Variants in PRKCE observed in about 807,000 individuals in gnomAD.
The protein encoded by PRKCE is protein kinase C epsilon, also known as protein kinase C epsilon type.
PRKCE carries 16 observed loss-of-function variants against 85.4 expected under a neutral mutation model. The ratio of observed to expected loss-of-function variants is 0.19; its 90% CI spans 0.13 to 0.28. The LOEUF (loss-of-function observed/expected upper bound fraction) is 0.28, where lower values mean the gene tolerates loss of function less well. Among genes scored for constraint, PRKCE ranks in the 10% least tolerant of loss-of-function variants. The pLI is 1.00. For missense variants in PRKCE, 573 were observed against 975.2 expected (o/e 0.59, Z 5.49); for synonymous variants, 388 against 371.5 (o/e 1.04, Z -0.51).
At chr2:46,147,565 C>G (rs552995913) in intron 12 of PRKCE, among the ~76,000 whole-genome samples, 1 of 152,242 alleles carries the variant, frequency 6.6e-6, no homozygotes, top group Non-Finnish European at 1.5e-5. Flanking sequence ...CCTTCCTGCT[C>G]TGGCCTTCGT....
intron 10 of PRKCE, among the ~76,000 whole-genome samples, chr2:46,060,608 T>C (rs1667017936): frequency 6.6e-6 from 1 of 152,070 alleles, no homozygotes; most frequent in Non-Finnish European, 1.5e-5. Context: ...GGGAAAAGGG[T>C]CCCGGAAGAG....
At chr2:45,677,954 T>C (rs1676604390) in intron 1 of PRKCE, 1 of 906,898 alleles carries the variant, frequency 1.1e-6, no homozygotes, top group Admixed American at 6.2e-5. Context: ...CCCTTTTGTC[T>C]GCCACTGTGA....
chr2:46,161,945 A>G (rs76118709), intron 14 of PRKCE, among the ~76,000 whole-genome samples: 2,919 of 152,216 alleles, frequency 0.019, 43 homozygotes, highest in South Asian at 0.055. Flanking sequence ...TATGAAGAAC[A>G]GGGGTGAGGT....
chr2:46,064,678 G>A (rs772889760), intron 10 of PRKCE, among the ~76,000 whole-genome samples: 6 of 152,210 alleles, frequency 3.9e-5, no homozygotes, highest in Non-Finnish European at 7.3e-5. Context: ...GTGACAGTAC[G>A]AACTAGGGAA....
intron 2 of PRKCE, among the ~76,000 whole-genome samples, chr2:45,870,149 A>C (rs867105079): frequency 6.6e-6 from 1 of 152,176 alleles, no homozygotes; most frequent in African/African-American, 2.4e-5. Flanking sequence ...AGGGCTCCTC[A>C]CATCTGAGTC....
chr2:45,717,336 C>A (rs1188195700), intron 1 of PRKCE, among the ~76,000 whole-genome samples: 1 of 152,366 alleles, frequency 6.6e-6, no homozygotes, highest in South Asian at 2.1e-4. Context: ...GGTTTGTTCT[C>A]TCTGTCTGTC....
Position 46,184,625 on chromosome 2 carries a change from C to G in PRKCE, c.2068-110C>G. ...CCCCGTGTCTGCTGTCTGTTGGTAG[C>G]TAGAGGCCTGCTTTGGTGACAGGCT... On this transcript the variant is annotated intron_variant, in intron 14 of 14. Coordinates refer to ENST00000306156, the MANE Select transcript of PRKCE (RefSeq NM_005400.3). The surrounding 1 kb of genome is among the most constrained non-coding windows in gnomAD (Gnocchi z 5.0). 1.4e-6 allele frequency: 2 copies of G among 1,380,596 alleles called. No individual in the cohort carries two copies. The highest frequency in any genetic ancestry group is 2.0e-6 in the Non-Finnish European group (2 of 1,016,332). 85.5% of individuals were successfully genotyped at this position (1,380,596 alleles called of 1,614,324 possible). A position where few individuals can be genotyped will look rare whatever the true frequency, so the allele number is the denominator to read the frequency against.
At chr2:45,674,375 G>C (rs1003644490) in intron 1 of PRKCE, among the ~76,000 whole-genome samples, 2 of 152,178 alleles carry the variant, frequency 1.3e-5, no homozygotes, top group South Asian at 2.1e-4. Context: ...GCAATGTCTG[G>C]AATTTTCAGA....
Position 45,979,024 on chromosome 2 carries a change from A to G in PRKCE, c.607+14A>G, listed in dbSNP as rs756916811. On this transcript the variant is annotated intron_variant, in intron 4 of 14. Coordinates refer to ENST00000306156, the MANE Select transcript of PRKCE (RefSeq NM_005400.3). ...ACCAGTGTCAAGGTAAGAGGCATTT[A>G]TGAATTAAATCTTCAGAGGCCCGTG... The G allele has an allele frequency of 2.5e-6, 4 of 1,598,596 alleles. No individual in the cohort carries two copies. Among genetic ancestry groups the G allele is most frequent in the South Asian group, 1.1e-5 (1 of 90,998 alleles).
intron 10 of PRKCE, among the ~76,000 whole-genome samples, chr2:46,063,502 C>G (rs897042964): frequency 1.3e-5 from 2 of 152,160 alleles, no homozygotes; most frequent in Non-Finnish European, 2.9e-5. Flanking sequence ...CTTTTGAGCA[C>G]AGACTCCCAG....
At position 45,943,601 on chromosome 2, in the gene PRKCE, C is replaced by CT. The variant is rs1220483422; in HGVS notation, c.413-32819dup. On this transcript the variant is annotated intron_variant, in intron 2 of 14. Coordinates refer to ENST00000306156, the MANE Select transcript of PRKCE (RefSeq NM_005400.3). ...TGCCAGAATTCCTTCTTTCCAGAGCCTTTTTTTTTCTGTCTTAAATGTTTT... is the reference window on the plus strand; with the variant it reads ...TGCCAGAATTCCTTCTTTCCAGAGCCTTTTTTTTTTCTGTCTTAAATGTTTT... Among the ~76,000 whole-genome samples, 8 of 151,688 alleles carry CT rather than the reference C, an allele frequency of 5.3e-5. No individual in the cohort carries two copies. The East Asian group carries it at 5.8e-4, about 11-fold the overall frequency.
At chr2:45,727,226 T>G (rs1681151020) in intron 1 of PRKCE, among the ~76,000 whole-genome samples, 1 of 152,224 alleles carries the variant, frequency 6.6e-6, no homozygotes, top group Non-Finnish European at 1.5e-5. Flanking sequence ...TACCTACCTC[T>G]TAAGGCCATA....
rs1240394066 is a variant in PRKCE, at chr2:45,749,078, C to T, written c.349-93922C>T. 4.6e-5 allele frequency among the ~76,000 whole-genome samples: 7 copies of T among 152,122 alleles called. No individual in the cohort carries two copies. The East Asian group carries it at 7.7e-4, about 17-fold the overall frequency. ...CTAATTTTTGTATTTTTAGTAGAGA[C>T]GGGGTTTCACCATATTGACCAGGCT... is the stretch of plus-strand genomic sequence containing the variant. On this transcript the variant is annotated intron_variant, in intron 1 of 14. Coordinates refer to ENST00000306156, the MANE Select transcript of PRKCE (RefSeq NM_005400.3).
intron 6 of PRKCE, among the ~76,000 whole-genome samples, chr2:46,000,142 GTTTT>G (rs941761913): frequency 6.7e-6 from 1 of 150,042 alleles, no homozygotes; most frequent in East Asian, 1.9e-4. Flanking sequence ...GTTTTTTGGG[GTTTT>G]TTTGTTTTTT....
intron 11 of PRKCE, among the ~76,000 whole-genome samples, chr2:46,125,024 T>G (rs1188802426): frequency 1.3e-5 from 2 of 152,242 alleles, no homozygotes; most frequent in African/African-American, 4.8e-5. Flanking sequence ...CTTGCCTTGT[T>G]CAGCCACTGA....
At position 45,652,166 on chromosome 2, in the gene PRKCE, C is replaced by T. The variant is rs35135425; in HGVS notation, c.66C>T (p.Ala22=). 19,080 of 1,612,142 alleles carry T rather than the reference C, an allele frequency of 0.012. 180 individuals are homozygous for T. Among genetic ancestry groups the T allele is most frequent in the East Asian group, 0.028 (1,237 of 44,784 alleles). The part of the protein sequence containing the change: ...ICEAVSLKPT[A]WSLRHAVGPR... Reference sequence around the variant, plus strand: ...AGGCCGTGAGCTTGAAGCCCACAGCCTGGTCGCTGCGCCATGCGGTGGGAC... The same window carrying T: ...AGGCCGTGAGCTTGAAGCCCACAGCTTGGTCGCTGCGCCATGCGGTGGGAC... The change falls in exon 1 of 15, where the codon GCC becomes GCT. Residue 22 remains alanine (A), a synonymous_variant. Transcript: ENST00000306156. The surrounding 1 kb of genome is among the most constrained non-coding windows in gnomAD (Gnocchi z 7.7).
At chr2:45,729,464 T>C (rs141052612) in intron 1 of PRKCE, among the ~76,000 whole-genome samples, 2,001 of 152,272 alleles carry the variant, frequency 0.013, 39 homozygotes, top group African/African-American at 0.045. Context: ...CCCTGGAGCC[T>C]CCATCATATG....
Position 46,024,944 on chromosome 2 carries a change from C to T in PRKCE, c.1437+14427C>T, listed in dbSNP as rs1706983061. On this transcript the variant is annotated intron_variant, in intron 10 of 14. Coordinates refer to ENST00000306156, the MANE Select transcript of PRKCE (RefSeq NM_005400.3). ...AAATACTTCTACCATCCAATTTGCC[C>T]AGAGTTTTATTCCCTTGGGAGAGCT... Among the ~76,000 whole-genome samples the T allele has an allele frequency of 3.9e-5, 6 of 152,240 alleles. No homozygotes were observed. The South Asian group carries it at 1.2e-3, about 32-fold the overall frequency.
chr2:45,788,523 G>A (rs968970831), intron 1 of PRKCE, among the ~76,000 whole-genome samples: 2 of 152,066 alleles, frequency 1.3e-5, no homozygotes, highest in East Asian at 1.9e-4. Flanking sequence ...TGCAATCAGG[G>A]GGCCTGCTTC....
Sources: allele counts gnomAD v4.1 joint callset (sites outside exome capture counted in the v4.1 genomes callset), GRCh38; gene constraint gnomAD v4.1.1; non-coding constraint Gnocchi (gnomAD v3.1); transcripts MANE v1.5; gene names NCBI Gene and HGNC (gene_info 2026-07-23, HGNC 2026-07-21).